The following TAF6L variants were observed in gnomAD, a reference collection of about 807,000 sequenced individuals.
TAF6L encodes the protein TAF6-like RNA polymerase II p300/CBP-associated factor-associated factor 65 kDa subunit 6L.
A neutral mutation model predicts 57.3 loss-of-function variants in TAF6L; 34 were observed. The observed-to-expected ratio is 0.59, with a 90% CI of 0.45 to 0.79. TAF6L has a LOEUF of 0.79. Among genes scored for constraint, TAF6L ranks in the 30% least tolerant of loss-of-function variants. TAF6L has a pLI of 0.00. For missense variants in TAF6L, 782 were observed against 853.2 expected, an observed-to-expected ratio of 0.92 and a Z score of 1.04; for synonymous variants, 417 against 376.3, an observed-to-expected ratio of 1.11 and a Z score of -1.25.
intron 8 of TAF6L, 134 bp downstream of exon 8, chr11:62,782,467 C>A: frequency 9.2e-7 from 1 of 1,082,928 alleles, no homozygotes; most frequent in Non-Finnish European, 1.3e-6. Context: ...AGCGTCCTAG[C>A]TGGTGTGCTG....
At position 62,775,806 on chromosome 11, in the gene TAF6L, G is replaced by A. The variant is rs1206668065; in HGVS notation, c.23G>A (p.Arg8Gln). Residue 8 changes from arginine to glutamine, a missense_variant, in exon 2 of 11, where the codon CGG (arginine) becomes CAG (glutamine). Arg to Gln is a conservative substitution (Grantham distance 43). Coordinates refer to ENST00000294168, the MANE Select transcript of TAF6L (RefSeq NM_006473.4). MSEREER[R>Q]FVEIPRESVR... Reference sequence around the variant, plus strand: ...GCCATGTCAGAGCGAGAAGAGCGGCGGTTTGTGGAGATCCCTCGGGAGTCT... The same window carrying A: ...GCCATGTCAGAGCGAGAAGAGCGGCAGTTTGTGGAGATCCCTCGGGAGTCT... 2.0e-5 allele frequency: 32 copies of A among 1,611,188 alleles called. No homozygotes were observed. Among genetic ancestry groups the A allele is most frequent in the Non-Finnish European group, 2.3e-5 (27 of 1,179,886 alleles).
chr11:62,775,703 G>A, intron 1 of TAF6L, 68 bp from the exon 2 acceptor site: 5 of 1,511,836 alleles, frequency 3.3e-6, no homozygotes, highest in South Asian at 2.5e-5. Flanking sequence ...TGTGGAGGGT[G>A]TTGGATCACA....
intron 3 of TAF6L, among the ~76,000 whole-genome samples, chr11:62,777,423 C>G (rs775388988): frequency 1.1e-4 from 16 of 152,148 alleles, no homozygotes; most frequent in Non-Finnish European, 1.8e-4. Flanking sequence ...CCCACCTGGG[C>G]TATGTGTTCA....
chr11:62,785,167 TGTAAATTCTGGCATGG>T (rs778625379), intron 9 of TAF6L, among the ~76,000 whole-genome samples: 162 of 151,814 alleles, frequency 1.1e-3, no homozygotes, highest in Non-Finnish European at 1.9e-3. Flanking sequence ...TGTAGACTTT[TGTAAATTCTGGCATGG>T]TATTTTCTTT....
chr11:62,779,968 A>ATT (rs1341684851), intron 6 of TAF6L, among the ~76,000 whole-genome samples: 1 of 66,636 alleles, frequency 1.5e-5, no homozygotes, highest in African/African-American at 4.4e-5. Flanking sequence ...ATATATATAT[A>ATT]TATATATATT....
chr11:62,786,269 C>T lies in TAF6L; in HGVS notation c.970C>T (p.Arg324Ter), dbSNP rs1214691425. 6.2e-7 allele frequency: 1 copy of T among 1,612,020 alleles called. No homozygotes were observed. Among genetic ancestry groups the T allele is most frequent in the Admixed American group, 1.7e-5 (1 of 59,984 alleles). Residue 324 changes from arginine to a stop codon, truncating the protein, a stop_gained, in exon 10 of 11, where the codon CGA becomes TGA. Transcript: ENST00000294168. LOFTEE classifies it high-confidence loss of function. ...LHALGWKAVE[R>*]VLYPHLSTYW... ...CTTCTCTTCCTTCCAGGCAGTAGAACGAGTCCTGTACCCACACCTGTCCAC... is the reference window on the plus strand; with the variant it reads ...CTTCTCTTCCTTCCAGGCAGTAGAATGAGTCCTGTACCCACACCTGTCCAC...
At chr11:62,785,972 A>G (rs2084270938) in intron 9 of TAF6L, 1 of 272,990 alleles carries the variant, frequency 3.7e-6, no homozygotes, top group African/African-American at 2.1e-5. Flanking sequence ...GCAGTATGCA[A>G]ACTAAATTTT....
chr11:62,772,650 C>T (rs943360373), intron 1 of TAF6L, among the ~76,000 whole-genome samples: 5 of 150,872 alleles, frequency 3.3e-5, no homozygotes, highest in Non-Finnish European at 5.9e-5. Context: ...GCTACCATGG[C>T]GAAACTCCAT....
Position 62,775,653 on chromosome 11 carries a change from T to C in TAF6L, c.-13-118T>C. The C allele has an allele frequency of 5.2e-6, 6 of 1,143,750 alleles. No homozygotes were observed. In the Admixed American group the frequency reaches 1.3e-4, roughly 25 times the overall value. The allele number at this position is 1,143,750 out of a possible 1,614,324, so 70.9% of individuals were successfully genotyped here. The stretch of plus-strand genomic sequence containing the variant: ...CTTTCCTCATCTGGGTACTCAGAGC[T>C]CCTTGTTTAGAAACTCCAGAGCACG... On this transcript the variant is annotated intron_variant, in intron 1 of 10. Coordinates refer to ENST00000294168, the MANE Select transcript of TAF6L (RefSeq NM_006473.4).
intron 6 of TAF6L, chr11:62,781,662 CA>C (rs58932683): frequency 1.2e-3 from 383 of 313,234 alleles, no homozygotes; most frequent in East Asian, 1.7e-3. Flanking sequence ...GACTCGGTCT[CA>C]AAAAAAAAAA....
chr11:62,782,685 T>C lies in TAF6L; in HGVS notation c.828-8T>C, dbSNP rs1046583152. 1 of 1,611,364 alleles carries C rather than the reference T, an allele frequency of 6.2e-7. No homozygotes were observed. Among genetic ancestry groups the C allele is most frequent in the Non-Finnish European group, 8.5e-7 (1 of 1,179,438 alleles). On this transcript the variant is annotated splice_region_variant and splice_polypyrimidine_tract_variant and intron_variant, in intron 8 of 10. Coordinates refer to ENST00000294168, the MANE Select transcript of TAF6L (RefSeq NM_006473.4). ...ATTCCCCTCCCTAACTGAATGGTGC[T>C]CCCACAGGACTCATGGGGACCTTGT...
chr11:62,775,745 T>A, intron 1 of TAF6L, 26 bp from the exon 2 acceptor site: 1 of 1,580,728 alleles, frequency 6.3e-7, no homozygotes, highest in South Asian at 1.1e-5. Context: ...TGGGCAGCTT[T>A]TCCAGTCTTC....
chr11:62,775,653 T>TGAGTA, intron 1 of TAF6L, 118 bp from the exon 2 acceptor site: 1 of 1,143,752 alleles, frequency 8.7e-7, no homozygotes, highest in Non-Finnish European at 1.2e-6. Context: ...TACTCAGAGC[T>TGAGTA]CCTTGTTTAG....
At position 62,786,735 on chromosome 11, in the gene TAF6L, C is replaced by T. The variant is rs778113124; in HGVS notation, c.1308C>T (p.Thr436=). 6.2e-7 allele frequency: 1 copy of T among 1,613,192 alleles called. No homozygotes were observed. The highest frequency in any genetic ancestry group is 8.5e-7 in the Non-Finnish European group (1 of 1,179,854). The stretch of plus-strand genomic sequence containing the variant: ...CGGAGGACCCTTCTCTTTCGGTGAC[C>T]CTGGCCGACATCTACCGGGAGCTCT... ...AGPEDPSLSV[T]LADIYRELYA... is the part of the protein sequence containing the mutation. The change falls in exon 11 of 11, where the codon ACC becomes ACT. Residue 436 remains threonine (T), a synonymous_variant. Transcript: ENST00000294168.
At chr11:62,785,340 C>T (rs960017972) in intron 9 of TAF6L, among the ~76,000 whole-genome samples, 1 of 149,372 alleles carries the variant, frequency 6.7e-6, no homozygotes, top group South Asian at 2.1e-4. Context: ...TACAGGCGCT[C>T]ACCACCATAC....
chr11:62,782,558 C>A, intron 8 of TAF6L, 135 bp from the exon 9 acceptor site: 1 of 1,323,878 alleles, frequency 7.6e-7, no homozygotes, highest in Non-Finnish European at 1.0e-6. Flanking sequence ...GGCCAGTCAC[C>A]CCTGGCAGCC....
At position 62,777,959 on chromosome 11, in the gene TAF6L, C is replaced by T. The variant is rs1175236043; in HGVS notation, c.235-19C>T. The stretch of plus-strand genomic sequence containing the variant: ...CCCTCCCTGGATTCAGGCTGCTCTC[C>T]AATTCCCTTTTTCCTCAGGCTGTGT... On this transcript the variant is annotated intron_variant, in intron 3 of 10. Transcript: ENST00000294168. 2 of 1,613,272 alleles carry T rather than the reference C, an allele frequency of 1.2e-6. No homozygotes were observed. Among genetic ancestry groups the T allele is most frequent in the African/African-American group, 2.7e-5 (2 of 74,934 alleles).
Position 62,781,881 on chromosome 11 carries a change from C to T in TAF6L, c.532-13C>T. 8.7e-6 allele frequency: 14 copies of T among 1,613,722 alleles called. No homozygotes were observed. The highest frequency in any genetic ancestry group is 1.1e-5 in the Non-Finnish European group (13 of 1,179,652). ...TCTGGTGGATCCAATGCAGTCTGGG[C>T]CCTTCCTTTTAGGTTGCACTCCAGG... On this transcript the variant is annotated splice_polypyrimidine_tract_variant and intron_variant, in intron 6 of 10. Transcript: ENST00000294168.
rs138817605 is a variant in TAF6L, at chr11:62,782,180, G to A, written c.674G>A (p.Arg225His). The A allele has an allele frequency of 3.3e-5, 54 of 1,613,914 alleles. No individual in the cohort carries two copies. The highest frequency in any genetic ancestry group is 2.8e-4 in the African/African-American group (21 of 74,928). The change falls in exon 8 of 11, where the codon CGT (arginine) becomes CAT (histidine). Residue 225 changes from arginine (R) to histidine (H), a missense_variant. Arg to His is a conservative substitution (Grantham distance 29, BLOSUM62 0). Coordinates refer to ENST00000294168, the MANE Select transcript of TAF6L (RefSeq NM_006473.4). Reference protein sequence around the residue: ...RLLQVARSLFRNPHLCLGPYV... With the variant: ...RLLQVARSLFHNPHLCLGPYV... ...CTGCAGGTGGCACGGAGCCTATTTCGTAATCCGCACCTGTGCTTGGGGCCC... is the reference window on the plus strand; with the variant it reads ...CTGCAGGTGGCACGGAGCCTATTTCATAATCCGCACCTGTGCTTGGGGCCC...
Sources: allele counts gnomAD v4.1 joint callset (sites outside exome capture counted in the v4.1 genomes callset), GRCh38; gene constraint gnomAD v4.1.1; transcripts MANE v1.5; gene names NCBI Gene and HGNC (gene_info 2026-07-23, HGNC 2026-07-21).